Variants in CCDC171 observed in about 807,000 individuals in gnomAD.
CCDC171 encodes coiled-coil domain containing 171, also known as coiled-coil domain-containing protein 171.
Under a neutral mutation model 168.2 loss-of-function variants are expected in CCDC171, and 177 were observed. The observed-to-expected ratio is 1.05, with a 90% CI of 0.93 to 1.19. The LOEUF (loss-of-function observed/expected upper bound fraction) is 1.19. Among genes scored for constraint, CCDC171 ranks in the 50% most tolerant of loss-of-function variants. CCDC171 has a pLI of 0.00. For missense variants in CCDC171, 1,991 were observed against 1,539.0 expected, an observed-to-expected ratio of 1.29 and a Z score of -4.91; for synonymous variants, 687 against 540.8, an observed-to-expected ratio of 1.27 and a Z score of -3.75.
intron 21 of CCDC171, among the ~76,000 whole-genome samples, chr9:15,831,929 T>C (rs912264789): frequency 6.6e-6 from 1 of 152,122 alleles, no homozygotes; most frequent in Non-Finnish European, 1.5e-5. Flanking sequence ...TAAAGTCCCT[T>C]ATAGTTAGAG....
chr9:16,088,112 T>A, the CCDC171 span, among the ~76,000 whole-genome samples: 2 of 152,080 alleles, frequency 1.3e-5, no homozygotes, highest in Non-Finnish European at 2.9e-5. Flanking sequence ...ACAGACCCAA[T>A]GACAAAAACC....
the CCDC171 span, among the ~76,000 whole-genome samples, chr9:16,101,960 C>T: frequency 1.3e-5 from 2 of 152,178 alleles, no homozygotes; most frequent in African/African-American, 4.8e-5. Flanking sequence ...GACTCCTGAA[C>T]CAGGGAAACT....
intron 11 of CCDC171, among the ~76,000 whole-genome samples, chr9:15,698,367 A>G (rs893089079): frequency 2.6e-5 from 4 of 152,140 alleles, no homozygotes; most frequent in South Asian, 4.2e-4. Context: ...TAAAAATACA[A>G]AAAATTAGCC....
intron 3 of CCDC171, among the ~76,000 whole-genome samples, chr9:15,979,290 A>T (rs146333099): frequency 7.2e-5 from 11 of 152,270 alleles, no homozygotes; most frequent in Non-Finnish European, 1.3e-4. Context: ...TCTTCTTCTT[A>T]CCAAATTGTC....
In CCDC171 at chr9:15,724,919, A is replaced by C. The variant is rs781273040; in HGVS notation, c.1635A>C (p.Ala545=). The stretch of plus-strand genomic sequence containing the variant: ...GTTGGGAGAAAGAAAAGGCTCAGGC[A>C]GCCCAGTCTGAAAGTGAACTGCAGA... The part of the protein sequence containing the change: ...LHCWEKEKAQ[A]AQSESELQKL... The change falls in exon 14 of 26, where the codon GCA becomes GCC. Residue 545 remains alanine, a synonymous_variant. Coordinates refer to ENST00000380701, the MANE Select transcript of CCDC171 (RefSeq NM_173550.4). 20 of 1,614,038 alleles carry C rather than the reference A, an allele frequency of 1.2e-5. No homozygotes were observed. The highest frequency in any genetic ancestry group is 1.7e-5 in the Non-Finnish European group (20 of 1,179,920).
chr9:15,987,268 G>T (rs1161266968), intron 3 of CCDC171, among the ~76,000 whole-genome samples: 3 of 152,022 alleles, frequency 2.0e-5, no homozygotes, highest in South Asian at 4.2e-4. Flanking sequence ...AGCATTTAAA[G>T]AACTCCTAAA....
At chr9:16,085,902 A>C in the CCDC171 span, among the ~76,000 whole-genome samples, 1 of 152,198 alleles carries the variant, frequency 6.6e-6, no homozygotes, top group African/African-American at 2.4e-5. Context: ...TTGCCTTTTT[A>C]TCAGGAATAT....
chr9:15,978,557 G>C (rs142355532), downstream of CCDC171, among the ~76,000 whole-genome samples: 1 of 152,202 alleles, frequency 6.6e-6, no homozygotes, highest in South Asian at 2.1e-4. Context: ...GTCCAACGTT[G>C]ATTTTCCTGA....
intron 1 of CCDC171, among the ~76,000 whole-genome samples, chr9:15,558,359 T>G (rs553060496): frequency 5.9e-5 from 9 of 152,166 alleles, no homozygotes; most frequent in Admixed American, 2.6e-4. Context: ...AGTGAATCCG[T>G]CTGGTCCTGG....
At chr9:15,940,560 A>C (rs1827598000) in intron 25 of CCDC171, among the ~76,000 whole-genome samples, 1 of 152,002 alleles carries the variant, frequency 6.6e-6, no homozygotes, top group Admixed American at 6.6e-5. Context: ...CTATCATCAA[A>C]CATCTTGTAC....
At chr9:15,853,071 T>C (rs1387681628) in intron 23 of CCDC171, among the ~76,000 whole-genome samples, 2 of 151,766 alleles carry the variant, frequency 1.3e-5, no homozygotes, top group East Asian at 3.9e-4. Flanking sequence ...CTCATAAAAT[T>C]CCATGTGAAT....
At chr9:16,025,478 A>G (rs1564125610) in intron 6 of CCDC171, among the ~76,000 whole-genome samples, 1 of 152,140 alleles carries the variant, frequency 6.6e-6, no homozygotes, top group African/African-American at 2.4e-5. Flanking sequence ...CAAACAAACA[A>G]AAAAACTTGG....
chr9:16,036,025 G>A (rs1328070793), intron 7 of CCDC171: 1 of 152,170 alleles, frequency 6.6e-6, no homozygotes, highest in Non-Finnish European at 1.5e-5. Flanking sequence ...GAGAAGTGTT[G>A]AAGAAAAGTT....
chr9:15,666,773 T>C (rs1423325178), intron 9 of CCDC171, among the ~76,000 whole-genome samples: 1 of 152,120 alleles, frequency 6.6e-6, no homozygotes, highest in African/African-American at 2.4e-5. Flanking sequence ...TGAAGTGAGC[T>C]ATGATCTAAG....
chr9:16,037,831 A>G (rs1833500501), upstream of CCDC171, among the ~76,000 whole-genome samples: 1 of 152,196 alleles, frequency 6.6e-6, no homozygotes, highest in Non-Finnish European at 1.5e-5. Flanking sequence ...TGGAGGAAAG[A>G]ATGAGAATAA....
intron 9 of CCDC171, among the ~76,000 whole-genome samples, chr9:15,668,270 G>T (rs1436273472): frequency 2.0e-5 from 3 of 152,140 alleles, no homozygotes; most frequent in African/African-American, 7.2e-5. Flanking sequence ...GATTGGACTG[G>T]AGGAATTTTA....
chr9:15,654,219 A>C (rs976314677), intron 7 of CCDC171, among the ~76,000 whole-genome samples: 1 of 152,206 alleles, frequency 6.6e-6, no homozygotes, highest in Non-Finnish European at 1.5e-5. Context: ...AAAAACCAAA[A>C]CTATTTTCTA....
At chr9:15,872,031 A>G (rs957218585) in intron 23 of CCDC171, among the ~76,000 whole-genome samples, 1 of 152,036 alleles carries the variant, frequency 6.6e-6, no homozygotes. Flanking sequence ...TAAAAGTGGA[A>G]AAAACTCTTA....
At chr9:16,095,796 C>A in the CCDC171 span, among the ~76,000 whole-genome samples, 1 of 149,336 alleles carries the variant, frequency 6.7e-6, no homozygotes. Context: ...CTTCATAGGG[C>A]TATTTCGGTG....
Sources: allele counts gnomAD v4.1 joint callset (sites outside exome capture counted in the v4.1 genomes callset), GRCh38; gene constraint gnomAD v4.1.1; transcripts MANE v1.5; gene names NCBI Gene and HGNC (gene_info 2026-07-23, HGNC 2026-07-21).